CNTNAP2: variants seen among roughly 807,000 people sequenced by gnomAD.
The protein encoded by CNTNAP2 is contactin-associated protein-like 2.
CNTNAP2 carries 98 observed loss-of-function variants against 155.2 expected under a neutral mutation model. The ratio of observed to expected loss-of-function variants is 0.63; its 90% confidence interval spans 0.54 to 0.75. The LOEUF (loss-of-function observed/expected upper bound fraction) is 0.75. CNTNAP2 is among the 30% of genes least tolerant of loss of function. The probability of loss-of-function intolerance (pLI) is 0.00; values close to 1 mark genes in which losing one functional copy is unlikely to be tolerated. For synonymous variants in CNTNAP2, 651 were observed against 631.2 expected (o/e 1.03, Z -0.47); for missense variants, 1,727 against 1,688.1 (o/e 1.02, Z -0.40).
intron 1 of CNTNAP2, among the ~76,000 whole-genome samples, chr7:146,203,934 T>C (rs1012184868): frequency 6.6e-6 from 1 of 152,138 alleles, no homozygotes; most frequent in African/African-American, 2.4e-5. Context: ...TAGTTGTGAT[T>C]TTTTGGGGGG....
chr7:146,117,090 C>G, intron 1 of CNTNAP2, 117 bp downstream of exon 1: 4 of 863,176 alleles, frequency 4.6e-6, no homozygotes, highest in Non-Finnish European at 7.5e-6. Flanking sequence ...GTGTTTGTGT[C>G]TCCGCTGTCA....
At chr7:147,464,392 G>A (rs188023440) in intron 10 of CNTNAP2, among the ~76,000 whole-genome samples, 14 of 151,320 alleles carry the variant, frequency 9.3e-5, no homozygotes, top group Admixed American at 4.0e-4. Flanking sequence ...GCTTGAACCC[G>A]GGAGGTGGAG....
chr7:146,438,281 A>T (rs1195003412), intron 1 of CNTNAP2, among the ~76,000 whole-genome samples: 3 of 113,566 alleles, frequency 2.6e-5, no homozygotes, highest in African/African-American at 1.5e-4. Flanking sequence ...TTATCCATAG[A>T]AGCTTTTTTT....
At position 148,121,192 on chromosome 7, in the gene CNTNAP2, G is replaced by A. The variant is rs902402806; in HGVS notation, c.2554+2904G>A. Among the ~76,000 whole-genome samples the A allele has an allele frequency of 5.3e-5, 8 of 151,988 alleles. No homozygotes were observed. The South Asian group carries it at 8.3e-4, about 16-fold the overall frequency. On this transcript the variant is annotated intron_variant, in intron 16 of 23. Transcript: ENST00000361727. Reference sequence around the variant, plus strand: ...TGGGATTACAGGGGCCCGCCACCGCGCCTGGCTAATTTTTGTATTTTTAGT... The same window carrying A: ...TGGGATTACAGGGGCCCGCCACCGCACCTGGCTAATTTTTGTATTTTTAGT...
At chr7:148,346,220 CA>C (rs770746848) in intron 21 of CNTNAP2, among the ~76,000 whole-genome samples, 11 of 152,270 alleles carry the variant, frequency 7.2e-5, no homozygotes, top group South Asian at 4.2e-4. Context: ...ATGGGAAGAA[CA>C]ATTTAAAAAT....
intron 1 of CNTNAP2, among the ~76,000 whole-genome samples, chr7:146,711,623 C>A (rs1356985649): frequency 3.4e-5 from 5 of 148,956 alleles, no homozygotes; most frequent in Non-Finnish European, 5.9e-5. Flanking sequence ...TAAGGTGGAA[C>A]CATTTCAGAC....
chr7:147,134,685 T>C (rs1801443670), intron 8 of CNTNAP2, among the ~76,000 whole-genome samples: 1 of 151,990 alleles, frequency 6.6e-6, no homozygotes, highest in African/African-American at 2.4e-5. Flanking sequence ...CTCTGTCTTT[T>C]AATGTATTTT....
intron 10 of CNTNAP2, among the ~76,000 whole-genome samples, chr7:147,440,074 G>T (rs1452666629): frequency 6.6e-6 from 1 of 151,478 alleles, no homozygotes; most frequent in Non-Finnish European, 1.5e-5. Flanking sequence ...TGTTATTATT[G>T]GTAAGTAAAG....
In CNTNAP2 at chr7:148,416,966, C is replaced by G. The variant is rs964995361; in HGVS notation, c.*1350C>G. 1 of 152,196 alleles carries G rather than the reference C, an allele frequency of 6.6e-6. No individual in the cohort carries two copies. The highest frequency in any genetic ancestry group is 1.5e-5 in the Non-Finnish European group (1 of 68,022). 9.4% of individuals were successfully genotyped at this position (152,196 alleles called of 1,614,324 possible). On this transcript the variant is annotated 3_prime_UTR_variant, in exon 24 of 24. Coordinates refer to ENST00000361727, the MANE Select transcript of CNTNAP2 (RefSeq NM_014141.6). ...GATTATATTTAAAAGTAATACACTT[C>G]CTGTAAACAAATGGGGACAATGCAT...
intron 8 of CNTNAP2, among the ~76,000 whole-genome samples, chr7:147,200,836 A>G (rs1802907333): frequency 6.6e-6 from 1 of 152,226 alleles, no homozygotes; most frequent in Non-Finnish European, 1.5e-5. Context: ...TTACATTTGT[A>G]TGGAGAAGAG....
intron 3 of CNTNAP2, among the ~76,000 whole-genome samples, chr7:146,882,001 T>G (rs1166253420): frequency 1.3e-5 from 2 of 152,024 alleles, no homozygotes; most frequent in Non-Finnish European, 2.9e-5. Flanking sequence ...TGTCTGTTGT[T>G]GCCATCTTTG....
chr7:146,689,035 CTT>C (rs1563189593), intron 1 of CNTNAP2, among the ~76,000 whole-genome samples: 1 of 152,096 alleles, frequency 6.6e-6, no homozygotes, highest in Non-Finnish European at 1.5e-5. Context: ...TTTTAAAACA[CTT>C]TTTCACGAAT....
At chr7:146,663,277 C>CAA (rs543257224) in intron 1 of CNTNAP2, among the ~76,000 whole-genome samples, 31 of 33,144 alleles carry the variant, frequency 9.4e-4, no homozygotes, top group African/African-American at 1.8e-3. Context: ...AACTCCATCT[C>CAA]AAAAAAAAAA....
chr7:148,148,063 A>AAAGG lies in CNTNAP2; in HGVS notation c.2773+375_2773+378dup, dbSNP rs199717284. 1.4e-3 allele frequency among the ~76,000 whole-genome samples: 216 copies of AAAGG among 151,132 alleles called. 1 individual carries two copies. The highest frequency in any genetic ancestry group is 3.4e-3 in the Middle Eastern group (1 of 294). The stretch of plus-strand genomic sequence containing the variant: ...GGGGCACTTGTAACTGTGTGGAAGG[A>AAAGG]AAGGAAGGAAGGAAGGAAGGAAGGG... On this transcript the variant is annotated intron_variant, in intron 17 of 23. Coordinates refer to ENST00000361727, the MANE Select transcript of CNTNAP2 (RefSeq NM_014141.6).
chr7:146,126,854 T>G (rs935987085), intron 1 of CNTNAP2, among the ~76,000 whole-genome samples: 1 of 152,196 alleles, frequency 6.6e-6, no homozygotes, highest in Non-Finnish European at 1.5e-5. Context: ...ATTTCTTGTA[T>G]CCATCCGCTG....
At chr7:146,839,258 T>C (rs1803674160) in intron 2 of CNTNAP2, among the ~76,000 whole-genome samples, 1 of 152,160 alleles carries the variant, frequency 6.6e-6, no homozygotes, top group Admixed American at 6.6e-5. Flanking sequence ...TTTTCTACTT[T>C]ACTTCACAAG....
At chr7:147,886,162 A>T (rs1374928044) in intron 13 of CNTNAP2, among the ~76,000 whole-genome samples, 3 of 152,116 alleles carry the variant, frequency 2.0e-5, no homozygotes, top group Admixed American at 6.6e-5. Context: ...GTCACTGTGG[A>T]TGACTCACAG....
intron 13 of CNTNAP2, among the ~76,000 whole-genome samples, chr7:147,737,751 G>T (rs1796881618): frequency 6.6e-6 from 1 of 152,186 alleles, no homozygotes. Flanking sequence ...CTGCTGCCTT[G>T]CGGTTTGATC....
At chr7:148,365,989 T>C (rs180801540) in intron 21 of CNTNAP2, among the ~76,000 whole-genome samples, 28 of 1,708 alleles carry the variant, frequency 0.016, 13 homozygotes, top group African/African-American at 0.019. Flanking sequence ...TGTATACATG[T>C]GTGTATGCAT....
Sources: gnomAD v4.1 joint callset for allele counts (sites outside exome capture counted in the v4.1 genomes callset) on GRCh38, gnomAD v4.1.1 for gene constraint, MANE v1.5 for transcripts, NCBI Gene and HGNC (gene_info 2026-07-23, HGNC 2026-07-21) for gene names.